The following DOCK10 variants were observed in gnomAD, a reference collection of about 807,000 sequenced individuals.
DOCK10 encodes dedicator of cytokinesis protein 10.
In DOCK10, 145 loss-of-function variants were observed where a neutral mutation model predicts 280.1. The ratio of observed to expected loss-of-function variants is 0.52; its 90% CI spans 0.45 to 0.59. The LOEUF (loss-of-function observed/expected upper bound fraction) is 0.59, where lower values mean the gene tolerates loss of function less well. Among genes scored for constraint, DOCK10 ranks in the 20% least tolerant of loss-of-function variants. The probability of loss-of-function intolerance (pLI) is 0.00; values close to 1 mark genes in which losing one functional copy is unlikely to be tolerated. For missense variants in DOCK10, 2,368 were observed against 2,651.7 expected (o/e 0.89, Z 2.35); for synonymous variants, 915 against 942.2 (o/e 0.97, Z 0.53).
At chr2:224,920,932 C>A (rs1310513806) in intron 2 of DOCK10, among the ~76,000 whole-genome samples, 3 of 150,198 alleles carry the variant, frequency 2.0e-5, no homozygotes, top group Non-Finnish European at 4.4e-5. Context: ...AACTTACTGT[C>A]CCACTACGAT....
In DOCK10 at chr2:224,774,941, C is replaced by A. The variant is rs781543716; in HGVS notation, c.5977G>T (p.Val1993Leu). The A allele has an allele frequency of 6.2e-6, 10 of 1,607,276 alleles. No individual in the cohort carries two copies. Among genetic ancestry groups the A allele is most frequent in the East Asian group, 2.2e-5 (1 of 44,634 alleles). The change falls in exon 52 of 56, where the codon GTG (valine) becomes TTG (leucine). Residue 1993 changes from valine to leucine, a missense_variant. Val to Leu is a conservative substitution (Grantham distance 32, BLOSUM62 1). Transcript: ENST00000258390. ...GTCCGCCGCTTGCACTGCTCCGCCA[C>A]CCCACCGTGCTTCTTGCCCGACAGC... Reference protein sequence around the residue: ...FTLSGKKHGGVAEQCKRRTIL... With the variant: ...FTLSGKKHGGLAEQCKRRTIL...
chr2:224,892,397 CAAAAAAA>C (rs1174651393), intron 4 of DOCK10, among the ~76,000 whole-genome samples: 3 of 52,252 alleles, frequency 5.7e-5, no homozygotes, highest in Admixed American at 2.9e-4. Context: ...GACCCTGTCT[CAAAAAAA>C]AAAAAAAAAA....
intron 3 of DOCK10, 23 bp downstream of exon 3, chr2:224,916,672 A>G: frequency 6.4e-7 from 1 of 1,552,002 alleles, no homozygotes; most frequent in Non-Finnish European, 8.8e-7. Flanking sequence ...CTTAAAATAA[A>G]GCATTGGAAG....
intron 1 of DOCK10, among the ~76,000 whole-genome samples, chr2:224,954,130 T>C (rs1336513978): frequency 6.6e-6 from 1 of 152,194 alleles, no homozygotes; most frequent in African/African-American, 2.4e-5. Context: ...GGTTAGAAGG[T>C]GAAAATTCTC....
chr2:224,774,358 T>C (rs1690673840), intron 52 of DOCK10, among the ~76,000 whole-genome samples: 1 of 152,228 alleles, frequency 6.6e-6, no homozygotes, highest in Admixed American at 6.5e-5. Flanking sequence ...GAATCATGTT[T>C]CATTTGCATT....
In DOCK10 at chr2:224,939,902, A is replaced by G. The variant is rs542894948; in HGVS notation, c.124-8234T>C. On this transcript the variant is annotated intron_variant, in intron 1 of 55. Transcript: ENST00000258390. ...TACCTGTGGCTACTTGAAGTTGAAT[A>G]TGCATAGTGGATATTTGTTGTCTTT... Among the ~76,000 whole-genome samples, 6 of 152,304 alleles carry G rather than the reference A, an allele frequency of 3.9e-5. No homozygotes were observed. In the East Asian group the frequency reaches 5.8e-4, roughly 15 times the overall value.
Position 224,946,671 on chromosome 2 carries a change from C to T in DOCK10, c.124-15003G>A, listed in dbSNP as rs78810277. 6.9e-3 allele frequency among the ~76,000 whole-genome samples: 1,051 copies of T among 152,238 alleles called. 13 individuals carry two copies. Among genetic ancestry groups the T allele is most frequent in the African/African-American group, 0.024 (989 of 41,556 alleles). ...TACATGCGGTTTGAGAACAGCGTGA[C>T]TTCAAAAATAATGATGGAAGTAAAA... On this transcript the variant is annotated intron_variant, in intron 1 of 55. Coordinates refer to ENST00000258390, the MANE Select transcript of DOCK10 (RefSeq NM_014689.3).
At position 224,886,485 on chromosome 2, in the gene DOCK10, C is replaced by T; in HGVS notation, c.463G>A (p.Asp155Asn). The T allele has an allele frequency of 6.2e-7, 1 of 1,610,434 alleles. No individual in the cohort carries two copies. Among genetic ancestry groups the T allele is most frequent in the Non-Finnish European group, 8.5e-7 (1 of 1,178,890 alleles). The change falls in exon 5 of 56, where the codon GAC becomes AAC. Residue 155 changes from aspartate (D) to asparagine (N), a missense_variant. Asp to Asn is a conservative substitution (Grantham distance 23). Transcript: ENST00000258390. Reference sequence around the variant, plus strand: ...TCATCCTTATCAGCATCTTCATGGTCAATCTCAAAGGAATGTGAAGGAAGC... The same window carrying T: ...TCATCCTTATCAGCATCTTCATGGTTAATCTCAAAGGAATGTGAAGGAAGC... ...EKLPSHSFEI[D>N]HEDADKDEDT...
rs369076989 is a variant in DOCK10 at position 224,888,373 on chromosome 2, T to C, written c.417-1842A>G. ...TATGTGTGTGTCTGTATGTATTGTA[T>C]GTATATGTGTGTGAATATATATGTG... On this transcript the variant is annotated intron_variant, in intron 4 of 55. Coordinates refer to ENST00000258390, the MANE Select transcript of DOCK10 (RefSeq NM_014689.3). 1.2e-4 allele frequency among the ~76,000 whole-genome samples: 18 copies of C among 152,106 alleles called. No homozygotes were observed. In the East Asian group the frequency reaches 3.5e-3, roughly 29 times the overall value.
intron 8 of DOCK10, among the ~76,000 whole-genome samples, chr2:224,875,133 G>A (rs1698541209): frequency 6.6e-6 from 1 of 152,156 alleles, no homozygotes; most frequent in Non-Finnish European, 1.5e-5. Flanking sequence ...TCTTGCTTCA[G>A]CTACTTAAAC....
chr2:224,998,802 A>G (rs934394956), intron 1 of DOCK10, among the ~76,000 whole-genome samples: 1 of 152,200 alleles, frequency 6.6e-6, no homozygotes, highest in Non-Finnish European at 1.5e-5. Context: ...TCAAAGAGTC[A>G]CAAGTCAGCT....
At chr2:224,774,214 T>C (rs1690663313) in intron 52 of DOCK10, among the ~76,000 whole-genome samples, 2 of 152,178 alleles carry the variant, frequency 1.3e-5, no homozygotes, top group Non-Finnish European at 2.9e-5. Context: ...AGAATGCCCT[T>C]GCTCACCTCC....
intron 11 of DOCK10, among the ~76,000 whole-genome samples, chr2:224,873,527 G>C (rs1698424301): frequency 6.8e-6 from 1 of 147,526 alleles, no homozygotes; most frequent in Non-Finnish European, 1.5e-5. Context: ...GCTGCACTGA[G>C]CTGAGGCTGC....
chr2:224,821,403 G>A (rs1312750041), intron 28 of DOCK10, among the ~76,000 whole-genome samples: 2 of 152,206 alleles, frequency 1.3e-5, no homozygotes, highest in African/African-American at 4.8e-5. Flanking sequence ...AAATATAAGA[G>A]ATTTATGACA....
At chr2:224,879,318 G>T (rs1698833587) in intron 7 of DOCK10, among the ~76,000 whole-genome samples, 2 of 152,176 alleles carry the variant, frequency 1.3e-5, no homozygotes, top group Admixed American at 1.3e-4. Flanking sequence ...GGGATGTTCT[G>T]ACGAAGAAGG....
intron 6 of DOCK10, 120 bp downstream of exon 6, chr2:224,885,943 T>C (rs1241404501): frequency 1.3e-6 from 2 of 1,497,714 alleles, no homozygotes; most frequent in African/African-American, 1.4e-5. Flanking sequence ...TACTTCCTCA[T>C]AAATAAAATA....
chr2:224,934,000 A>G (rs1249870250), intron 1 of DOCK10, among the ~76,000 whole-genome samples: 1 of 152,190 alleles, frequency 6.6e-6, no homozygotes, highest in Non-Finnish European at 1.5e-5. Context: ...CTAAATTAGT[A>G]CAATAGGCAA....
chr2:224,840,080 A>G lies in DOCK10; in HGVS notation c.2662-8T>C. On this transcript the variant is annotated splice_region_variant and splice_polypyrimidine_tract_variant and intron_variant, in intron 23 of 55. Coordinates refer to ENST00000258390, the MANE Select transcript of DOCK10 (RefSeq NM_014689.3). ...TTCCACATTCAATAAGTTCTGTAGT[A>G]AATTGGCAGAAAAAAAGGATACCAA... 7.3e-7 allele frequency: 1 copy of G among 1,364,646 alleles called. No homozygotes were observed. Among genetic ancestry groups the G allele is most frequent in the Non-Finnish European group, 1.0e-6 (1 of 986,774 alleles). 84.5% of individuals were successfully genotyped at this position (1,364,646 alleles called of 1,614,324 possible).
intron 2 of DOCK10, among the ~76,000 whole-genome samples, chr2:224,929,620 A>C (rs1372067424): frequency 6.6e-6 from 1 of 152,212 alleles, no homozygotes; most frequent in Non-Finnish European, 1.5e-5. Flanking sequence ...CATGGAATAA[A>C]ATAGTTCAGT....
Sources: gnomAD v4.1 joint callset for allele counts (sites outside exome capture counted in the v4.1 genomes callset) on GRCh38, gnomAD v4.1.1 for gene constraint, MANE v1.5 for transcripts, NCBI Gene and HGNC (gene_info 2026-07-23, HGNC 2026-07-21) for gene names.